The following DSCC1 variants were observed in gnomAD, a reference collection of about 807,000 sequenced individuals.
DSCC1 encodes the protein DNA replication and sister chromatid cohesion 1.
A neutral mutation model predicts 48.2 loss-of-function variants in DSCC1; 32 were observed. The ratio of observed to expected loss-of-function variants is 0.66; its 90% CI spans 0.50 to 0.89. The LOEUF is 0.89. DSCC1 is among the 40% of genes least tolerant of loss of function. The pLI, the probability that DSCC1 is intolerant of heterozygous loss-of-function variation, is 0.00. For missense variants in DSCC1, 421 were observed against 471.7 expected, an observed-to-expected ratio of 0.89 and a Z score of 1.00; for synonymous variants, 150 against 171.5, an observed-to-expected ratio of 0.87 and a Z score of 0.98.
chr8:119,849,783 CA>C (rs1355725272), intron 3 of DSCC1, among the ~76,000 whole-genome samples: 1 of 151,910 alleles, frequency 6.6e-6, no homozygotes, highest in Admixed American at 6.6e-5. Context: ...AAGCTGTTAC[CA>C]AAAAAATTTT....
intron 2 of DSCC1, chr8:119,852,783 T>C: frequency 3.4e-6 from 1 of 291,594 alleles, no homozygotes; most frequent in East Asian, 6.0e-5. Flanking sequence ...GAATGACTCA[T>C]TGAATAACAA....
At chr8:119,843,854 G>T in intron 4 of DSCC1, 107 bp from the exon 5 acceptor site, 1 of 1,122,648 alleles carries the variant, frequency 8.9e-7, no homozygotes, top group African/African-American at 1.6e-5. Flanking sequence ...TCAGCTCATC[G>T]CAACCTCCAC....
chr8:119,852,870 C>T (rs1455858678), intron 2 of DSCC1, 177 bp downstream of exon 2: 2 of 523,536 alleles, frequency 3.8e-6, no homozygotes, highest in Non-Finnish European at 6.0e-6. Context: ...GTTCACAAGA[C>T]TCCAACAAAC....
chr8:119,855,608 G>A lies in DSCC1; in HGVS notation c.182+6C>T, dbSNP rs781378111. 1.2e-5 allele frequency: 19 copies of A among 1,542,246 alleles called. No homozygotes were observed. The Admixed American group carries it at 3.0e-4, about 24-fold the overall frequency. ...AGGCTGGGGGCGCCGCGTGACCAGGGCTCACCTGTGTCCATCCTCCAGCTG... is the reference window on the plus strand; with the variant it reads ...AGGCTGGGGGCGCCGCGTGACCAGGACTCACCTGTGTCCATCCTCCAGCTG... On this transcript the variant is annotated splice_donor_region_variant and intron_variant, in intron 1 of 8. Coordinates refer to ENST00000313655, the MANE Select transcript of DSCC1 (RefSeq NM_024094.3).
chr8:119,835,326 G>A lies in DSCC1; in HGVS notation c.1074-325C>T, dbSNP rs1486845968. ...TGAAGATCAGCCTGGCCAACGTAGTGAAACCCTGTCTCTATTAAAAATAGA... is the reference window on the plus strand; with the variant it reads ...TGAAGATCAGCCTGGCCAACGTAGTAAAACCCTGTCTCTATTAAAAATAGA... On this transcript the variant is annotated intron_variant, in intron 8 of 8. Coordinates refer to ENST00000313655, the MANE Select transcript of DSCC1 (RefSeq NM_024094.3). Among the ~76,000 whole-genome samples the A allele has an allele frequency of 2.0e-5, 3 of 152,116 alleles. No individual in the cohort carries two copies. The East Asian group carries it at 5.8e-4, about 29-fold the overall frequency.
rs754755953 is a variant in DSCC1 at position 119,847,089 on chromosome 8, AG to A, written c.487-10del. 6.2e-7 allele frequency: 1 copy of A among 1,609,320 alleles called. No individual in the cohort carries two copies. The highest frequency in any genetic ancestry group is 1.1e-5 in the South Asian group (1 of 90,780). On this transcript the variant is annotated splice_polypyrimidine_tract_variant and intron_variant, in intron 3 of 8. Transcript: ENST00000313655. ...AAATCTTCAGTTGTATACTGCAAAAAGAAAAAAATATTTTAAGGCCTTTGAA... is the reference window on the plus strand; with the variant it reads ...AAATCTTCAGTTGTATACTGCAAAAAAAAAAAATATTTTAAGGCCTTTGAA...
chr8:119,842,058 T>A, intron 6 of DSCC1, 110 bp from the exon 7 acceptor site: 1 of 1,240,170 alleles, frequency 8.1e-7, no homozygotes, highest in Non-Finnish European at 1.1e-6. Flanking sequence ...ACACCTAAAC[T>A]CACTTCCGAC....
At position 119,841,777 on chromosome 8, in the gene DSCC1, A is replaced by G. The variant is rs1826773131; in HGVS notation, c.924+17T>C. The G allele has an allele frequency of 1.2e-6, 2 of 1,603,058 alleles. No homozygotes were observed. Among genetic ancestry groups the G allele is most frequent in the Non-Finnish European group, 8.5e-7 (1 of 1,171,988 alleles). On this transcript the variant is annotated intron_variant, in intron 7 of 8. Coordinates refer to ENST00000313655, the MANE Select transcript of DSCC1 (RefSeq NM_024094.3). The stretch of plus-strand genomic sequence containing the variant: ...AATCAACTGTTGAAGTAAGGTGGCA[A>G]TGTCTATTGCTATTACCTTAAGCTG...
At chr8:119,844,674 G>T (rs1024342890) in intron 4 of DSCC1, among the ~76,000 whole-genome samples, 2 of 151,564 alleles carry the variant, frequency 1.3e-5, no homozygotes, top group African/African-American at 2.4e-5. Flanking sequence ...TCAGCCTCCA[G>T]AGTAGCTGGG....
Position 119,855,611 on chromosome 8 carries a change from C to A in DSCC1, c.182+3G>T. The A allele has an allele frequency of 6.5e-7, 1 of 1,543,266 alleles. No homozygotes were observed. Among genetic ancestry groups the A allele is most frequent in the Non-Finnish European group, 8.7e-7 (1 of 1,145,584 alleles). ...CTGGGGGCGCCGCGTGACCAGGGCT[C>A]ACCTGTGTCCATCCTCCAGCTGCTG... On this transcript the variant is annotated splice_donor_region_variant and intron_variant, in intron 1 of 8. Coordinates refer to ENST00000313655, the MANE Select transcript of DSCC1 (RefSeq NM_024094.3).
chr8:119,853,246 T>G, intron 1 of DSCC1, 31 bp from the exon 2 acceptor site: 1 of 1,575,760 alleles, frequency 6.3e-7, no homozygotes. Flanking sequence ...AATATATAGT[T>G]TATTGACAAT....
At position 119,843,802 on chromosome 8, in the gene DSCC1, G is replaced by T; in HGVS notation, c.578-55C>A. On this transcript the variant is annotated intron_variant, in intron 4 of 8. Coordinates refer to ENST00000313655, the MANE Select transcript of DSCC1 (RefSeq NM_024094.3). ...AGAACTTTTTTTTTTTTAAGGCAGG[G>T]TCTCAACTCTGTCACCCAAGCTGGA... The T allele has an allele frequency of 3.2e-6, 5 of 1,545,204 alleles. 1 individual carries two copies. The highest frequency in any genetic ancestry group is 1.9e-5 in the Admixed American group (1 of 52,814).
chr8:119,838,500 A>C, intron 7 of DSCC1, 93 bp from the exon 8 acceptor site: 1 of 1,373,886 alleles, frequency 7.3e-7, no homozygotes, highest in South Asian at 1.9e-5. Context: ...GCTTAGCTCA[A>C]GATATTCAAA....
chr8:119,842,796 C>T lies in DSCC1; in HGVS notation c.749G>A (p.Gly250Glu), dbSNP rs374747476. The T allele has an allele frequency of 1.2e-6, 2 of 1,603,928 alleles. No homozygotes were observed. Among genetic ancestry groups the T allele is most frequent in the African/African-American group, 1.3e-5 (1 of 74,144 alleles). The change falls in exon 6 of 9, where the codon GGG (glycine) becomes GAG (glutamate). Residue 250 changes from glycine to glutamate, a missense_variant. Physicochemically the swap from Gly to Glu is moderately conservative, Grantham distance 98. Coordinates refer to ENST00000313655, the MANE Select transcript of DSCC1 (RefSeq NM_024094.3). ...CTTACCTTCATCTACATATTTCTTC[C>T]CATAACATTTAAGACAGTGTTCTAT... ...EMIEHCLKCY[G>E]KKYVDEGEVY... is the part of the protein sequence containing the mutation.
intron 8 of DSCC1, 138 bp from the exon 9 acceptor site, chr8:119,835,139 T>G (rs561631810): frequency 3.8e-5 from 23 of 599,892 alleles, no homozygotes; most frequent in South Asian, 2.1e-4. Context: ...GTGGGAGAGA[T>G]AGGGTGGGGA....
At chr8:119,840,670 G>C (rs1323973242) in intron 7 of DSCC1, among the ~76,000 whole-genome samples, 1 of 152,100 alleles carries the variant, frequency 6.6e-6, no homozygotes, top group African/African-American at 2.4e-5. Context: ...TCAGCACTTT[G>C]GGAGGCCAAG....
chr8:119,835,029 A>C, intron 8 of DSCC1, 28 bp from the exon 9 acceptor site: 1 of 1,405,864 alleles, frequency 7.1e-7, no homozygotes, highest in East Asian at 2.3e-5. Context: ...AATATATAAC[A>C]TGAATATTTT....
Position 119,845,029 on chromosome 8 carries a change from T to C in DSCC1, c.578-1282A>G, listed in dbSNP as rs551326071. Among the ~76,000 whole-genome samples the C allele has an allele frequency of 1.1e-4, 16 of 151,984 alleles. No homozygotes were observed. In the East Asian group the frequency reaches 3.1e-3, roughly 29 times the overall value. ...TTCATAAAGATCCCTTTCCTATTCC[T>C]GTGAGAGATTATGACATGCCATTTT... On this transcript the variant is annotated intron_variant, in intron 4 of 8. Transcript: ENST00000313655.
At chr8:119,852,556 T>A (rs1198656493) in intron 2 of DSCC1, among the ~76,000 whole-genome samples, 1 of 152,166 alleles carries the variant, frequency 6.6e-6, no homozygotes, top group Admixed American at 6.6e-5. Flanking sequence ...GGTTTTACCG[T>A]GTTGCCCAGG....
Sources: allele counts gnomAD v4.1 joint callset (sites outside exome capture counted in the v4.1 genomes callset), GRCh38; gene constraint gnomAD v4.1.1; transcripts MANE v1.5; gene names NCBI Gene and HGNC (gene_info 2026-07-23, HGNC 2026-07-21).